Variants in KRT33A observed in about 807,000 individuals in gnomAD.
KRT33A encodes the protein keratin, type I cuticular Ha3-I.
Under a neutral mutation model 41.1 loss-of-function variants are expected in KRT33A, and 44 were observed. That is an observed-to-expected ratio of 1.07 (90% CI 0.84 to 1.38). KRT33A has a LOEUF of 1.38. Among genes scored for constraint, KRT33A ranks in the 40% most tolerant of loss-of-function variants. KRT33A has a pLI of 0.00. For missense variants in KRT33A, 536 were observed against 518.5 expected (o/e 1.03, Z -0.33); for synonymous variants, 229 against 227.8 (o/e 1.01, Z -0.05).
rs200021364 is a variant in KRT33A, at chr17:41,350,455, A to T, written c.313T>A (p.Ser105Thr). ...QEPLVCASYQSYFKTIEELQQ... is the reference protein window; with the variant it reads ...QEPLVCASYQTYFKTIEELQQ... ...AGCTCCTCAATGGTCTTGAAGTAGG[A>T]CTGGTAGCTGGCACACACCAAGGGC... The change falls in exon 1 of 7, where the codon TCC (serine) becomes ACC (threonine). Residue 105 changes from serine (S) to threonine (T), a missense_variant. By Grantham distance (58) the Ser-to-Thr change is moderately conservative (BLOSUM62 1). Transcript: ENST00000007735. The T allele has an allele frequency of 1.2e-6, 2 of 1,614,020 alleles. No homozygotes were observed. Among genetic ancestry groups the T allele is most frequent in the East Asian group, 2.2e-5 (1 of 44,858 alleles).
At position 41,348,609 on chromosome 17, in the gene KRT33A, C is replaced by T; in HGVS notation, c.462G>A (p.Leu154=). The part of the protein sequence containing the change: ...KYETELSLRQ[L]VESDINGLRR... Reference sequence around the variant, plus strand: ...GCAGGCCATTGATGTCCGACTCCACCAGCTGCCGCAGGGACAGCTCGGTCT... The same window carrying T: ...GCAGGCCATTGATGTCCGACTCCACTAGCTGCCGCAGGGACAGCTCGGTCT... Residue 154 remains leucine (L), a synonymous_variant, in exon 3 of 7, where the codon CTG becomes CTA. Coordinates refer to ENST00000007735, the MANE Select transcript of KRT33A (RefSeq NM_004138.4). 1 of 1,614,142 alleles carries T rather than the reference C, an allele frequency of 6.2e-7. No individual in the cohort carries two copies. Among genetic ancestry groups the T allele is most frequent in the East Asian group, 2.2e-5 (1 of 44,874 alleles).
At chr17:41,347,038 T>G (rs768403891) in intron 4 of KRT33A, 23 bp downstream of exon 4, 3 of 1,611,762 alleles carry the variant, frequency 1.9e-6, no homozygotes, top group African/African-American at 1.3e-5. Context: ...GGGTCCTGAG[T>G]GGCCACGTGC....
At chr17:41,349,108 C>G (rs2017467132) in intron 2 of KRT33A, among the ~76,000 whole-genome samples, 1 of 152,214 alleles carries the variant, frequency 6.6e-6, no homozygotes, top group Admixed American at 6.5e-5. Context: ...CACGTCTACA[C>G]TAACTCACAG....
Position 41,350,730 on chromosome 17 carries a change from C to G in KRT33A, c.38G>C (p.Arg13Pro), listed in dbSNP as rs143698304. The G allele has an allele frequency of 8.1e-6, 13 of 1,611,770 alleles. 1 individual carries two copies. The African/African-American group carries it at 1.5e-4, about 19-fold the overall frequency. The change falls in exon 1 of 7, where the codon CGC becomes CCC. Residue 13 changes from arginine (R) to proline (P), a missense_variant. Coordinates refer to ENST00000007735, the MANE Select transcript of KRT33A (RefSeq NM_004138.4). ...ACAGGGCCGGGAGGAGCAGCTGGTG[C>G]GGCAGCTCAGGCTGGGCAGGCCACA... ...YSCGLPSLSC[R>P]TSCSSRPCVP...
Position 41,347,114 on chromosome 17 carries a change from C to CAT in KRT33A, c.695_696dup (p.Glu233MetfsTer23), listed in dbSNP as rs760945545. 2.5e-6 allele frequency: 4 copies of CAT among 1,614,070 alleles called. No individual in the cohort carries two copies. In the African/African-American group the frequency reaches 5.3e-5, roughly 22 times the overall value. ...CTGCGGTTGGTTTCCACCAGGGCCT[C>CAT]ATACTGACTCCTGGTCTCATTCAGG... On this transcript the variant is annotated frameshift_variant, in exon 4 of 7. Transcript: ENST00000007735. LOFTEE classifies it high-confidence loss of function.
Position 41,346,138 on chromosome 17 carries a change from C to T in KRT33A, c.1196G>A (p.Cys399Tyr). ...PCGLRARCGP[C>Y]NTFGY is the part of the protein sequence containing the mutation. ...GGGCCTCTAGTACCCAAATGTGTTG[C>T]AAGGCCCACACCGAGCACGTAGGCC... is the stretch of plus-strand genomic sequence containing the variant. The change falls in exon 7 of 7, where the codon TGC (cysteine) becomes TAC (tyrosine). Residue 399 changes from cysteine (C) to tyrosine (Y), a missense_variant. Cys to Tyr is a radical substitution (Grantham distance 194). Transcript: ENST00000007735. 2 of 1,613,372 alleles carry T rather than the reference C, an allele frequency of 1.2e-6. No individual in the cohort carries two copies. The highest frequency in any genetic ancestry group is 1.7e-6 in the Non-Finnish European group (2 of 1,179,360).
At chr17:41,349,149 A>T (rs1308411525) in intron 2 of KRT33A, among the ~76,000 whole-genome samples, 197 bp downstream of exon 2, 1 of 151,750 alleles carries the variant, frequency 6.6e-6, no homozygotes, top group Non-Finnish European at 1.5e-5. Context: ...CACAGAGGAG[A>T]AGAAGGAGGA....
At chr17:41,347,352 C>G in intron 3 of KRT33A, 130 bp from the exon 4 acceptor site, 1 of 1,136,930 alleles carries the variant, frequency 8.8e-7, no homozygotes, top group Admixed American at 3.1e-5. Context: ...TGTCACTAAC[C>G]AGGATCTATA....
At chr17:41,346,377 A>G in intron 6 of KRT33A, 71 bp downstream of exon 6, 1 of 1,598,540 alleles carries the variant, frequency 6.3e-7, no homozygotes, top group Non-Finnish European at 8.6e-7. Flanking sequence ...ATTCATTTCC[A>G]TCAAGAAGAC....
chr17:41,346,381 A>C, intron 6 of KRT33A, 67 bp downstream of exon 6: 6 of 1,600,044 alleles, frequency 3.7e-6, no homozygotes, highest in Non-Finnish European at 5.1e-6. Context: ...ATTTCCATCA[A>C]GAAGACTATT....
At chr17:41,350,266 C>G (rs1316656764) in intron 1 of KRT33A, among the ~76,000 whole-genome samples, 154 bp downstream of exon 1, 1 of 152,110 alleles carries the variant, frequency 6.6e-6, no homozygotes, top group African/African-American at 2.4e-5. Flanking sequence ...CTAACAGTCC[C>G]AAGTCTAGTA....
chr17:41,350,814 A>G lies in KRT33A; in HGVS notation c.-47T>C, dbSNP rs994525785. On this transcript the variant is annotated 5_prime_UTR_variant, in exon 1 of 7. Coordinates refer to ENST00000007735, the MANE Select transcript of KRT33A (RefSeq NM_004138.4). ...GCTGAAGACAGAGTCCAAAATCTCC[A>G]GGTTGTAGAGCGGTGGGTCTCCTTC... is the stretch of plus-strand genomic sequence containing the variant. The G allele has an allele frequency of 1.9e-6, 3 of 1,559,966 alleles. No homozygotes were observed. Among genetic ancestry groups the G allele is most frequent in the Non-Finnish European group, 1.7e-6 (2 of 1,152,214 alleles).
Position 41,347,205 on chromosome 17 carries a change from G to A in KRT33A, c.606C>T (p.Arg202=). The part of the protein sequence containing the change: ...QNHEQEVNTL[R]CQLGDRLNVE... Reference sequence around the variant, plus strand: ...CGTTGAGGCGGTCTCCAAGCTGGCAGCGCAGGGTGTTAACCTCCTGATGGA... The same window carrying A: ...CGTTGAGGCGGTCTCCAAGCTGGCAACGCAGGGTGTTAACCTCCTGATGGA... Residue 202 remains arginine (R), a synonymous_variant, in exon 4 of 7, where the codon CGC becomes CGT. Coordinates refer to ENST00000007735, the MANE Select transcript of KRT33A (RefSeq NM_004138.4). The A allele has an allele frequency of 6.2e-7, 1 of 1,611,268 alleles. No homozygotes were observed. Among genetic ancestry groups the A allele is most frequent in the Non-Finnish European group, 8.5e-7 (1 of 1,179,138 alleles).
chr17:41,349,937 A>T (rs2017480928), intron 1 of KRT33A, among the ~76,000 whole-genome samples: 1 of 152,158 alleles, frequency 6.6e-6, no homozygotes, highest in South Asian at 2.1e-4. Flanking sequence ...CTCTCACTGG[A>T]CACTGTGCAC....
chr17:41,350,475 A>G lies in KRT33A; in HGVS notation c.293T>C (p.Leu98Ser), dbSNP rs1248734982. 6.2e-7 allele frequency: 1 copy of G among 1,614,012 alleles called. No homozygotes were observed. The highest frequency in any genetic ancestry group is 2.2e-5 in the East Asian group (1 of 44,866). The change falls in exon 1 of 7, where the codon TTG becomes TCG. Residue 98 changes from leucine to serine, a missense_variant. Coordinates refer to ENST00000007735, the MANE Select transcript of KRT33A (RefSeq NM_004138.4). ...IRERSQQQEP[L>S]VCASYQSYFK... ...GTAGGACTGGTAGCTGGCACACACC[A>G]AGGGCTCCTGCTGCTGTGACCGCTC...
At position 41,346,126 on chromosome 17, in the gene KRT33A, C is replaced by G; in HGVS notation, c.1208G>C (p.Gly403Ala). The G allele has an allele frequency of 6.2e-7, 1 of 1,611,704 alleles. No individual in the cohort carries two copies. Among genetic ancestry groups the G allele is most frequent in the Non-Finnish European group, 8.5e-7 (1 of 1,177,932 alleles). The stretch of plus-strand genomic sequence containing the variant: ...CTCCTGGTTGTGGGGCCTCTAGTAC[C>G]CAAATGTGTTGCAAGGCCCACACCG... ...RARCGPCNTF[G>A]Y Residue 403 changes from glycine to alanine, a missense_variant, in exon 7 of 7, where the codon GGG (glycine) becomes GCG (alanine). Gly to Ala is a moderately conservative substitution (Grantham distance 60, BLOSUM62 0). Coordinates refer to ENST00000007735, the MANE Select transcript of KRT33A (RefSeq NM_004138.4).
intron 2 of KRT33A, 67 bp downstream of exon 2, chr17:41,349,279 C>T (rs1051797037): frequency 1.3e-6 from 2 of 1,498,544 alleles, no homozygotes; most frequent in African/African-American, 2.7e-5. Context: ...GTGTTGACAA[C>T]AGGCTAAAGG....
At chr17:41,346,712 A>G in intron 5 of KRT33A, 44 bp from the exon 6 acceptor site, 1 of 1,612,306 alleles carries the variant, frequency 6.2e-7, no homozygotes. Context: ...TGCTCCTTAT[A>G]AGGTTCCTCC....
Position 41,350,758 on chromosome 17 carries a change from T to G in KRT33A, c.10A>C (p.Ser4Arg), listed in dbSNP as rs755178034. 2 of 1,611,164 alleles carry G rather than the reference T, an allele frequency of 1.2e-6. No homozygotes were observed. The highest frequency in any genetic ancestry group is 1.7e-6 in the Non-Finnish European group (2 of 1,179,272). Residue 4 changes from serine to arginine, a missense_variant, in exon 1 of 7, where the codon AGT becomes CGT. Ser to Arg is a moderately radical substitution (Grantham distance 110). Coordinates refer to ENST00000007735, the MANE Select transcript of KRT33A (RefSeq NM_004138.4). MSYSCGLPSLSCRT... is the reference protein window; with the variant it reads MSYRCGLPSLSCRT... ...CAGCTCAGGCTGGGCAGGCCACAAC[T>G]GTAAGACATGGTGCAGGGAGGGAGT...
Sources: gnomAD v4.1 joint callset for allele counts (sites outside exome capture counted in the v4.1 genomes callset) on GRCh38, gnomAD v4.1.1 for gene constraint, MANE v1.5 for transcripts, NCBI Gene and HGNC (gene_info 2026-07-23, HGNC 2026-07-21) for gene names.